Variants in MPC1 observed in about 807,000 individuals in gnomAD.
The protein encoded by MPC1 is mitochondrial pyruvate carrier 1.
MPC1 carries 6 observed loss-of-function variants against 13.9 expected under a neutral mutation model. The ratio of observed to expected loss-of-function variants is 0.43; its 90% CI spans 0.24 to 0.85. The LOEUF is 0.85. Ranked by LOEUF, MPC1 falls within the 40% of genes least tolerant of loss-of-function variation. The pLI, the probability that MPC1 is intolerant of heterozygous loss-of-function variation, is 0.24. For missense variants in MPC1, 115 were observed against 143.3 expected (o/e 0.80, Z 1.01); for synonymous variants, 47 against 50.5 (o/e 0.93, Z 0.29).
intron 2 of MPC1, chr6:166,368,631 C>A (rs1779261561): frequency 3.3e-6 from 1 of 304,068 alleles, no homozygotes; most frequent in Non-Finnish European, 4.8e-6. Flanking sequence ...TAACAATGAC[C>A]CTTAATTTCT....
chr6:166,382,023 C>T (rs1779804175), intron 1 of MPC1, among the ~76,000 whole-genome samples: 2 of 152,242 alleles, frequency 1.3e-5, no homozygotes, highest in African/African-American at 4.8e-5. Context: ...ACACCCAGGT[C>T]GCCGCCTCTG....
In MPC1 at chr6:166,366,841, A is replaced by G. The variant is rs1440960469; in HGVS notation, c.126T>C (p.Asn42=). ...TAATCTCTGGAGACTTTTTCATATC[A>G]TTGATGGCAGCAATGGGAAGACCCC... ...ANWGLPIAAI[N]DMKKSPEIIS... Residue 42 remains asparagine (N), a synonymous_variant, in exon 3 of 5, where the codon AAT becomes AAC. Coordinates refer to ENST00000360961, the MANE Select transcript of MPC1 (RefSeq NM_016098.4). 1 of 1,614,024 alleles carries G rather than the reference A, an allele frequency of 6.2e-7. No homozygotes were observed. Among genetic ancestry groups the G allele is most frequent in the South Asian group, 1.1e-5 (1 of 91,092 alleles).
chr6:166,377,632 T>C (rs1779617977), intron 1 of MPC1, among the ~76,000 whole-genome samples: 1 of 152,258 alleles, frequency 6.6e-6, no homozygotes, highest in Non-Finnish European at 1.5e-5. Flanking sequence ...TTTTAGATCA[T>C]AATTCTACAG....
At chr6:166,370,147 C>T (rs752810900) in intron 2 of MPC1, 71 bp downstream of exon 2, 2 of 780,746 alleles carry the variant, frequency 2.6e-6, no homozygotes, top group East Asian at 4.9e-5. Context: ...GGATGCTAAG[C>T]CTGTTACCCC....
intron 1 of MPC1, among the ~76,000 whole-genome samples, chr6:166,378,418 A>AGTGTGTGTGTGTGTG (rs5881693): frequency 6.7e-6 from 1 of 149,866 alleles, no homozygotes; most frequent in African/African-American, 2.5e-5. Context: ...ATACAAATAC[A>AGTGTGTGTGTGTGTG]TGTGTGTGTG....
Position 166,365,911 on chromosome 6 carries a change from G to A in MPC1, c.305+63C>T, listed in dbSNP as rs1779132160. ...CAGCACTCCCTCAGAAAAGATTTTA[G>A]TTTCACTCTCCCCAATTCCTCAAAT... is the stretch of plus-strand genomic sequence containing the variant. On this transcript the variant is annotated intron_variant, in intron 4 of 4. Coordinates refer to ENST00000360961, the MANE Select transcript of MPC1 (RefSeq NM_016098.4). The surrounding 1 kb of genome is among the most constrained non-coding windows in gnomAD (Gnocchi z 4.2). 1 of 1,582,204 alleles carries A rather than the reference G, an allele frequency of 6.3e-7. No homozygotes were observed. Among genetic ancestry groups the A allele is most frequent in the African/African-American group, 1.3e-5 (1 of 74,106 alleles).
chr6:166,374,862 A>G (rs910189841), intron 1 of MPC1, among the ~76,000 whole-genome samples: 3 of 152,180 alleles, frequency 2.0e-5, no homozygotes, highest in Admixed American at 6.5e-5. Context: ...TAAGTTTGAA[A>G]GTTAGGTAAT....
intron 1 of MPC1, among the ~76,000 whole-genome samples, chr6:166,377,937 G>C (rs1779628938): frequency 6.6e-6 from 1 of 152,232 alleles, no homozygotes; most frequent in South Asian, 2.1e-4. Context: ...AGAGAAAAGG[G>C]AGACATATGC....
At chr6:166,377,022 C>G (rs899776213) in intron 1 of MPC1, among the ~76,000 whole-genome samples, 1 of 151,620 alleles carries the variant, frequency 6.6e-6, no homozygotes, top group Admixed American at 6.6e-5. Flanking sequence ...TGTCCTTGTT[C>G]TTTGTTCTTT....
chr6:166,370,228 T>C lies in MPC1; in HGVS notation c.72-7A>G. The C allele has an allele frequency of 1.3e-6, 1 of 776,892 alleles. No individual in the cohort carries two copies. The highest frequency in any genetic ancestry group is 1.3e-5 in the South Asian group (1 of 74,224). The allele number at this position is 776,892 out of a possible 1,614,324, so 48.1% of individuals were successfully genotyped here. A position where few individuals can be genotyped will look rare whatever the true frequency, so the allele number is the denominator to read the frequency against. ...AAATAATTTTCTTACCGTACTATTT[T>C]GTGAAGAGTCACCGAAGTTCAGACA... On this transcript the variant is annotated splice_region_variant and splice_polypyrimidine_tract_variant and intron_variant, in intron 1 of 4. Coordinates refer to ENST00000360961, the MANE Select transcript of MPC1 (RefSeq NM_016098.4).
At chr6:166,373,233 G>A (rs764850663) in intron 1 of MPC1, among the ~76,000 whole-genome samples, 1 of 152,136 alleles carries the variant, frequency 6.6e-6, no homozygotes, top group Non-Finnish European at 1.5e-5. Context: ...AACATACGAT[G>A]CCACGCGTCC....
intron 1 of MPC1, among the ~76,000 whole-genome samples, chr6:166,378,199 G>C (rs1295451237): frequency 6.6e-6 from 1 of 152,104 alleles, no homozygotes; most frequent in Non-Finnish European, 1.5e-5. Context: ...TTATTTTACT[G>C]CAACTTCTCA....
intron 2 of MPC1, among the ~76,000 whole-genome samples, chr6:166,368,093 G>T (rs1180072644): frequency 1.3e-5 from 2 of 152,160 alleles, no homozygotes; most frequent in South Asian, 2.1e-4. Flanking sequence ...GGCACAGTTG[G>T]TTTAAAGAAT....
At position 166,382,807 on chromosome 6, in the gene MPC1, T is replaced by C; in HGVS notation, c.70A>G (p.Ser24Gly). The C allele has an allele frequency of 6.3e-7, 1 of 1,593,502 alleles. No homozygotes were observed. Among genetic ancestry groups the C allele is most frequent in the Non-Finnish European group, 8.5e-7 (1 of 1,171,826 alleles). ...GGTTCGGCCTGCGGCGCTCGTCACC[T>C]CATGAGGTAGTCCCGGAAATCCTTG... ...RSKDFRDYLM[S>G]THFWGPVANW... Residue 24 changes from serine to glycine, a missense_variant and splice_region_variant, in exon 1 of 5, where the codon AGT becomes GGT. By Grantham distance (56) the Ser-to-Gly change is moderately conservative. This residue lies in a region of MPC1 where 41 missense variants were observed against 34.2 expected (regional missense o/e 1.20). Transcript: ENST00000360961.
chr6:166,368,068 A>C (rs181128837), intron 2 of MPC1, among the ~76,000 whole-genome samples: 345 of 152,368 alleles, frequency 2.3e-3, no homozygotes, highest in South Asian at 4.8e-3. Flanking sequence ...TGTGAGTTAT[A>C]AACTCTGTAA....
chr6:166,369,996 C>T, intron 2 of MPC1: 1 of 691,662 alleles, frequency 1.4e-6, no homozygotes, highest in Non-Finnish European at 2.6e-6. Context: ...ATGCTTGTTT[C>T]TAAAAACAGG....
At chr6:166,375,310 GT>G (rs1162670869) in intron 1 of MPC1, among the ~76,000 whole-genome samples, 1 of 152,196 alleles carries the variant, frequency 6.6e-6, no homozygotes, top group Non-Finnish European at 1.5e-5. Context: ...TTATGAATTG[GT>G]TGTTCCTGAA....
At chr6:166,368,604 C>A in intron 2 of MPC1, 2 of 202,922 alleles carry the variant, frequency 9.9e-6, no homozygotes, top group Non-Finnish European at 1.7e-5. Flanking sequence ...GAGAAGTACA[C>A]TCCTGCAGAA....
At chr6:166,376,178 GTA>G (rs911863065) in intron 1 of MPC1, among the ~76,000 whole-genome samples, 7 of 140,960 alleles carry the variant, frequency 5.0e-5, no homozygotes, top group African/African-American at 1.0e-4. Flanking sequence ...GTGTGTGTGT[GTA>G]TATATATATA....
Sources: gnomAD v4.1 joint callset for allele counts (sites outside exome capture counted in the v4.1 genomes callset) on GRCh38, gnomAD v4.1.1 for gene constraint, gnomAD v4.1.1 regional missense constraint, Gnocchi (gnomAD v3.1) non-coding constraint, MANE v1.5 for transcripts, NCBI Gene and HGNC (gene_info 2026-07-23, HGNC 2026-07-21) for gene names.